KCNV1: variants seen among roughly 807,000 people sequenced by gnomAD.
The protein encoded by KCNV1 is potassium voltage-gated channel modifier subfamily V member 1.
A neutral mutation model predicts 36.4 loss-of-function variants in KCNV1; 2 were observed. The observed-to-expected ratio is 0.05, with a 90% confidence interval of 0.02 to 0.17. The LOEUF (loss-of-function observed/expected upper bound fraction) is 0.17, where lower values mean the gene tolerates loss of function less well. KCNV1 is among the 10% of genes least tolerant of loss of function. The pLI is 1.00. For synonymous variants in KCNV1, 280 were observed against 261.1 expected (o/e 1.07, Z -0.70); for missense variants, 321 against 643.6 (o/e 0.50, Z 5.42).
Position 109,968,454 on chromosome 8 carries a change from G to C in KCNV1, c.1137C>G (p.Val379=), listed in dbSNP as rs775414566. 50 of 1,613,980 alleles carry C rather than the reference G, an allele frequency of 3.1e-5. No homozygotes were observed. The highest frequency in any genetic ancestry group is 3.8e-5 in the Non-Finnish European group (45 of 1,179,954). The change falls in exon 4 of 4, where the codon GTC becomes GTG. Residue 379 remains valine, a synonymous_variant. Transcript: ENST00000524391. The surrounding 1 kb of genome is among the most constrained non-coding windows in gnomAD (Gnocchi z 5.3). ...TGGTGGCCCACCACCATGCACAAGG[G>C]ACACTTGTGAAGGTTGTGTCAGGAA... ...QSIPDTTFTS[V]PCAWWWATTS...
chr8:109,969,471 C>G (rs1425544855), intron 3 of KCNV1, among the ~76,000 whole-genome samples: 1 of 152,132 alleles, frequency 6.6e-6, no homozygotes, highest in East Asian at 1.9e-4. Context: ...ATTCCTAGAT[C>G]TGAGGATTTA....
chr8:109,967,880 T>G lies in KCNV1; in HGVS notation c.*208A>C. ...GTTGTATTTGGTTGTGTTAATTGGC[T>G]ATTTTGGACACTCAAATGTGTCAGA... On this transcript the variant is annotated 3_prime_UTR_variant, in exon 4 of 4. Transcript: ENST00000524391. The G allele has an allele frequency of 2.0e-6, 1 of 493,948 alleles. No individual in the cohort carries two copies. Among genetic ancestry groups the G allele is most frequent in the Non-Finnish European group, 3.6e-6 (1 of 281,246 alleles). 30.6% of individuals were successfully genotyped at this position (493,948 alleles called of 1,614,324 possible). A position where few individuals can be genotyped will look rare whatever the true frequency, so the allele number is the denominator to read the frequency against.
intron 3 of KCNV1, among the ~76,000 whole-genome samples, chr8:109,971,761 T>C (rs1204176978): frequency 1.3e-5 from 2 of 152,106 alleles, no homozygotes; most frequent in Non-Finnish European, 2.9e-5. Context: ...CTGCACCTAG[T>C]CATTTCTCTT....
chr8:109,969,643 G>T lies in KCNV1; in HGVS notation c.992-1044C>A, dbSNP rs138546028. On this transcript the variant is annotated intron_variant, in intron 3 of 3. Transcript: ENST00000524391. ...AGGCAGATCATGAGGTCAGAAGTTTGAGACCAACCTGGCCAACATGGTGAA... is the reference window on the plus strand; with the variant it reads ...AGGCAGATCATGAGGTCAGAAGTTTTAGACCAACCTGGCCAACATGGTGAA... 6.9e-3 allele frequency among the ~76,000 whole-genome samples: 1,056 copies of T among 152,106 alleles called. 16 individuals are homozygous for T. The highest frequency in any genetic ancestry group is 0.024 in the African/African-American group (1,002 of 41,494).
In KCNV1 at chr8:109,974,023, C is replaced by G. The variant is rs1820047013; in HGVS notation, c.366G>C (p.Leu122=). The stretch of plus-strand genomic sequence containing the variant: ...GCGCGCACAGCTGCTCCATGACATG[C>G]AGGCGGCCGGTGCGGTAGTAGTGCA... ...YVLHYYRTGR[L]HVMEQLCALS... Residue 122 remains leucine (L), a synonymous_variant, in exon 2 of 4, where the codon CTG becomes CTC. Transcript: ENST00000524391. This position sits in a 1 kb window ranked among gnomAD's most constrained non-coding sequence, Gnocchi z 6.2. The G allele has an allele frequency of 6.2e-7, 1 of 1,613,458 alleles. No individual in the cohort carries two copies. Among genetic ancestry groups the G allele is most frequent in the Non-Finnish European group, 8.5e-7 (1 of 1,179,964 alleles).
At position 109,974,368 on chromosome 8, in the gene KCNV1, C is replaced by T. The variant is rs1199931009; in HGVS notation, c.21G>A (p.Ala7=). The part of the protein sequence containing the change: MPSSGR[A]LLDSPLDSGS... ...CGCTGTCCAGCGGCGAGTCCAGCAG[C>T]GCTCTGCCGCTGGAAGGCATCTCTA... The change falls in exon 2 of 4, where the codon GCG becomes GCA. Residue 7 remains alanine, a synonymous_variant. Coordinates refer to ENST00000524391, the MANE Select transcript of KCNV1 (RefSeq NM_014379.4). The surrounding 1 kb of genome is among the most constrained non-coding windows in gnomAD (Gnocchi z 6.2). 1.0e-5 allele frequency: 15 copies of T among 1,504,318 alleles called. No individual in the cohort carries two copies. Among genetic ancestry groups the T allele is most frequent in the Non-Finnish European group, 1.1e-5 (13 of 1,132,904 alleles). The allele number at this position is 1,504,318 out of a possible 1,614,324, so 93.2% of individuals were successfully genotyped here.
rs776966992 is a variant in KCNV1, at chr8:109,972,816, T to C, written c.462-29A>G. 12 of 1,511,186 alleles carry C rather than the reference T, an allele frequency of 7.9e-6. No individual in the cohort carries two copies. Among genetic ancestry groups the C allele is most frequent in the African/African-American group, 1.4e-5 (1 of 71,616 alleles). The allele number at this position is 1,511,186 out of a possible 1,614,324, so 93.6% of individuals were successfully genotyped here. The stretch of plus-strand genomic sequence containing the variant: ...TTAGAGAAAACAATTTGGTGATTAG[T>C]CTAACTTTATTAAAATACAGAAGTA... On this transcript the variant is annotated intron_variant, in intron 2 of 3. Coordinates refer to ENST00000524391, the MANE Select transcript of KCNV1 (RefSeq NM_014379.4). This position sits in a 1 kb window ranked among gnomAD's most constrained non-coding sequence, Gnocchi z 5.2.
At position 109,968,263 on chromosome 8, in the gene KCNV1, G is replaced by A. The variant is rs1419960983; in HGVS notation, c.1328C>T (p.Ala443Val). The A allele has an allele frequency of 6.2e-7, 1 of 1,614,152 alleles. No homozygotes were observed. The highest frequency in any genetic ancestry group is 8.5e-7 in the Non-Finnish European group (1 of 1,180,018). Reference protein sequence around the residue: ...ACYFTLKLKEAAVRQREALKK... With the variant: ...ACYFTLKLKEVAVRQREALKK... The stretch of plus-strand genomic sequence containing the variant: ...TAGGGCTTCACGCTGTCTAACAGCT[G>A]CTTCCTTGAGTTTCAAGGTGAAGTA... Residue 443 changes from alanine to valine, a missense_variant, in exon 4 of 4, where the codon GCA (alanine) becomes GTA (valine). Around this residue, in one of 5 missense-constraint regions of KCNV1, gnomAD observed 45 missense variants for 76.8 expected, o/e 0.59. Transcript: ENST00000524391. The surrounding 1 kb of genome is among the most constrained non-coding windows in gnomAD (Gnocchi z 5.3).
chr8:109,966,489 T>A lies in KCNV1; in HGVS notation c.*1599A>T, dbSNP rs574932463. The A allele has an allele frequency of 6.6e-4, 100 of 152,284 alleles. No homozygotes were observed. The highest frequency in any genetic ancestry group is 2.3e-3 in the African/African-American group (96 of 41,570). 9.4% of individuals were successfully genotyped at this position (152,284 alleles called of 1,614,324 possible). A position where few individuals can be genotyped will look rare whatever the true frequency, so the allele number is the denominator to read the frequency against. ...CTAAAACTCATGCCATCAGTGAAAATGTTTTCAGAGCTTAACCATGCATAC... is the reference window on the plus strand; with the variant it reads ...CTAAAACTCATGCCATCAGTGAAAAAGTTTTCAGAGCTTAACCATGCATAC... On this transcript the variant is annotated 3_prime_UTR_variant, in exon 4 of 4. Transcript: ENST00000524391.
Position 109,974,483 on chromosome 8 carries a change from C to T in KCNV1, c.-95G>A. 4.4e-6 allele frequency: 4 copies of T among 900,968 alleles called. No homozygotes were observed. The highest frequency in any genetic ancestry group is 6.5e-6 in the Non-Finnish European group (4 of 613,008). 55.8% of individuals were successfully genotyped at this position (900,968 alleles called of 1,614,324 possible). A position where few individuals can be genotyped will look rare whatever the true frequency, so the allele number is the denominator to read the frequency against. ...AGGGCGGTGGCACGGCCCCTGGTGG[C>T]GGCCGGGATTCCCCGGGCTCCCGAA... On this transcript the variant is annotated 5_prime_UTR_variant, in exon 2 of 4. Transcript: ENST00000524391. This position sits in a 1 kb window ranked among gnomAD's most constrained non-coding sequence, Gnocchi z 6.2.
rs1416925512 is a variant in KCNV1 at position 109,966,140 on chromosome 8, T to G, written c.*1948A>C. On this transcript the variant is annotated 3_prime_UTR_variant, in exon 4 of 4. Transcript: ENST00000524391. ...TTGAAGAGTATAAGAATAGTAATTATATAATAGGGATATTTTGAGGATAAA... is the reference window on the plus strand; with the variant it reads ...TTGAAGAGTATAAGAATAGTAATTAGATAATAGGGATATTTTGAGGATAAA... The G allele has an allele frequency of 6.6e-6, 1 of 152,190 alleles. No homozygotes were observed. Among genetic ancestry groups the G allele is most frequent in the African/African-American group, 2.4e-5 (1 of 41,436 alleles). 9.4% of individuals were successfully genotyped at this position (152,190 alleles called of 1,614,324 possible).
intron 3 of KCNV1, among the ~76,000 whole-genome samples, chr8:109,969,003 A>AT (rs1819977427): frequency 1.3e-5 from 2 of 152,166 alleles, no homozygotes; most frequent in African/African-American, 2.4e-5. Context: ...TCACACCTGC[A>AT]TTTCAATGCA....
intron 2 of KCNV1, 90 bp downstream of exon 2, chr8:109,973,838 C>T: frequency 9.5e-7 from 1 of 1,048,858 alleles, no homozygotes; most frequent in Non-Finnish European, 1.3e-6. Context: ...TCCAGCGAAG[C>T]TTGTGTAAAG....
chr8:109,969,852 G>GAAAAAAAAAAAAAAAAAA (rs199693742), intron 3 of KCNV1, among the ~76,000 whole-genome samples: 1 of 86,492 alleles, frequency 1.2e-5, no homozygotes, highest in Non-Finnish European at 2.7e-5. Flanking sequence ...CTCAAAAAAA[G>GAAAAAAAAAAAAAAAAAA]AAAAAAAAAA....
rs1820055982 is a variant in KCNV1 at position 109,974,495 on chromosome 8, C to T, written c.-107G>A. 1 of 784,516 alleles carries T rather than the reference C, an allele frequency of 1.3e-6. No homozygotes were observed. Among genetic ancestry groups the T allele is most frequent in the Non-Finnish European group, 2.0e-6 (1 of 506,536 alleles). 48.6% of individuals were successfully genotyped at this position (784,516 alleles called of 1,614,324 possible). ...CGGCCCCTGGTGGCGGCCGGGATTCCCCGGGCTCCCGAAGGGGTTACCTCT... is the reference window on the plus strand; with the variant it reads ...CGGCCCCTGGTGGCGGCCGGGATTCTCCGGGCTCCCGAAGGGGTTACCTCT... On this transcript the variant is annotated 5_prime_UTR_variant, in exon 2 of 4. Transcript: ENST00000524391. This position sits in a 1 kb window ranked among gnomAD's most constrained non-coding sequence, Gnocchi z 6.2.
In KCNV1 at chr8:109,974,471, G is replaced by C; in HGVS notation, c.-83C>G. On this transcript the variant is annotated 5_prime_UTR_variant, in exon 2 of 4. Transcript: ENST00000524391. This position sits in a 1 kb window ranked among gnomAD's most constrained non-coding sequence, Gnocchi z 6.2. ...TTTGGTCCCGCGAGGGCGGTGGCAC[G>C]GCCCCTGGTGGCGGCCGGGATTCCC... is the stretch of plus-strand genomic sequence containing the variant. 2.0e-6 allele frequency: 2 copies of C among 994,034 alleles called. No homozygotes were observed. The highest frequency in any genetic ancestry group is 2.9e-6 in the Non-Finnish European group (2 of 697,768). The allele number at this position is 994,034 out of a possible 1,614,324, so 61.6% of individuals were successfully genotyped here. A position where few individuals can be genotyped will look rare whatever the true frequency, so the allele number is the denominator to read the frequency against.
At position 109,965,664 on chromosome 8, in the gene KCNV1, AT is replaced by A. The variant is rs1819936241; in HGVS notation, c.*2423del. 6.6e-6 allele frequency: 1 copy of A among 152,168 alleles called. No individual in the cohort carries two copies. Among genetic ancestry groups the A allele is most frequent in the South Asian group, 2.1e-4 (1 of 4,828 alleles). 9.4% of individuals were successfully genotyped at this position (152,168 alleles called of 1,614,324 possible). A position where few individuals can be genotyped will look rare whatever the true frequency, so the allele number is the denominator to read the frequency against. On this transcript the variant is annotated 3_prime_UTR_variant, in exon 4 of 4. Coordinates refer to ENST00000524391, the MANE Select transcript of KCNV1 (RefSeq NM_014379.4). ...CTACTATTTACTCTAAAGATAATAT[AT>A]TTTTAATCTAATAATGACTATAAGG... is the stretch of plus-strand genomic sequence containing the variant.
In KCNV1 at chr8:109,972,252, G is replaced by A; in HGVS notation, c.991+6C>T. 2 of 1,571,654 alleles carry A rather than the reference G, an allele frequency of 1.3e-6. No homozygotes were observed. The highest frequency in any genetic ancestry group is 2.4e-5 in the South Asian group (2 of 83,488). The stretch of plus-strand genomic sequence containing the variant: ...AAATTAAAAGGCATCAGTGAAATGT[G>A]AATACCTGTGGAATGTCTGCCCAGC... On this transcript the variant is annotated splice_donor_region_variant and intron_variant, in intron 3 of 3. Coordinates refer to ENST00000524391, the MANE Select transcript of KCNV1 (RefSeq NM_014379.4). The surrounding 1 kb of genome is among the most constrained non-coding windows in gnomAD (Gnocchi z 5.2).
chr8:109,966,017 A>G lies in KCNV1; in HGVS notation c.*2071T>C, dbSNP rs1819940360. On this transcript the variant is annotated 3_prime_UTR_variant, in exon 4 of 4. Transcript: ENST00000524391. ...AACAGAATATTAACTACAAGAAAAC[A>G]GGACCTAGTCTTGTTTAAGAAAGAC... is the stretch of plus-strand genomic sequence containing the variant. 1 of 152,224 alleles carries G rather than the reference A, an allele frequency of 6.6e-6. No homozygotes were observed. Among genetic ancestry groups the G allele is most frequent in the Admixed American group, 6.5e-5 (1 of 15,284 alleles). The allele number at this position is 152,224 out of a possible 1,614,324, so 9.4% of individuals were successfully genotyped here.
Sources: allele counts gnomAD v4.1 joint callset (sites outside exome capture counted in the v4.1 genomes callset), GRCh38; gene constraint gnomAD v4.1.1; regional missense constraint gnomAD v4.1.1; non-coding constraint Gnocchi (gnomAD v3.1); transcripts MANE v1.5; gene names NCBI Gene and HGNC (gene_info 2026-07-23, HGNC 2026-07-21).